Variants in DSCAM observed in about 807,000 individuals in gnomAD.
DSCAM encodes the protein DS cell adhesion molecule.
Under a neutral mutation model 217.7 loss-of-function variants are expected in DSCAM, and 47 were observed. The observed-to-expected ratio is 0.22, with a 90% CI of 0.17 to 0.28. DSCAM has a LOEUF of 0.28. Ranked by LOEUF, DSCAM falls within the 10% of genes least tolerant of loss-of-function variation. The pLI is 1.00. For synonymous variants in DSCAM, 1,056 were observed against 1,015.3 expected (o/e 1.04, Z -0.76); for missense variants, 2,080 against 2,618.3 (o/e 0.79, Z 4.49).
chr21:40,310,257 T>C (rs1730868815), intron 9 of DSCAM, among the ~76,000 whole-genome samples: 1 of 152,172 alleles, frequency 6.6e-6, no homozygotes, highest in Admixed American at 6.6e-5. Flanking sequence ...CCCCTAAAGA[T>C]TATGATTTAA....
chr21:40,376,950 T>G (rs1420844882), intron 3 of DSCAM, among the ~76,000 whole-genome samples: 1 of 152,098 alleles, frequency 6.6e-6, no homozygotes, highest in Non-Finnish European at 1.5e-5. Flanking sequence ...GGATGTGACT[T>G]TATTTGGAAA....
intron 3 of DSCAM, among the ~76,000 whole-genome samples, chr21:40,529,420 G>A (rs2076425911): frequency 6.6e-6 from 1 of 152,162 alleles, no homozygotes; most frequent in African/African-American, 2.4e-5. Flanking sequence ...TGCACTATTA[G>A]CTTGTGTTTA....
intron 11 of DSCAM, among the ~76,000 whole-genome samples, chr21:40,233,900 C>T (rs180802177): frequency 2.6e-5 from 4 of 152,292 alleles, no homozygotes; most frequent in Non-Finnish European, 4.4e-5. Flanking sequence ...GCTGTATCAA[C>T]ATCTGACAGC....
intron 1 of DSCAM, among the ~76,000 whole-genome samples, chr21:40,711,113 A>G (rs576705455): frequency 6.6e-6 from 1 of 151,208 alleles, no homozygotes; most frequent in African/African-American, 2.4e-5. Flanking sequence ...AAGGCTTTTG[A>G]GATTTTTGTT....
At chr21:40,750,912 G>A (rs1438730262) in intron 1 of DSCAM, among the ~76,000 whole-genome samples, 1 of 152,138 alleles carries the variant, frequency 6.6e-6, no homozygotes, top group Non-Finnish European at 1.5e-5. Flanking sequence ...TGACTAAAAT[G>A]ACTCCCACCT....
chr21:40,572,631 C>G (rs895846096), intron 3 of DSCAM, among the ~76,000 whole-genome samples: 2 of 152,080 alleles, frequency 1.3e-5, no homozygotes, highest in African/African-American at 2.4e-5. Flanking sequence ...GAGTACAATT[C>G]AAGACAAATA....
At chr21:40,072,897 G>A (rs2089316554) in intron 27 of DSCAM, among the ~76,000 whole-genome samples, 2 of 152,182 alleles carry the variant, frequency 1.3e-5, no homozygotes, top group Admixed American at 6.5e-5. Flanking sequence ...TGTTCTCTGA[G>A]GTGATAGACT....
At chr21:40,336,803 AC>A (rs1355609014) in intron 8 of DSCAM, among the ~76,000 whole-genome samples, 2 of 152,188 alleles carry the variant, frequency 1.3e-5, no homozygotes, top group African/African-American at 4.8e-5. Context: ...GAAGGAAAGG[AC>A]CTTGCAGACC....
intron 3 of DSCAM, among the ~76,000 whole-genome samples, chr21:40,485,446 G>A (rs1030218368): frequency 6.6e-6 from 1 of 151,534 alleles, no homozygotes; most frequent in African/African-American, 2.4e-5. Context: ...GTTTCACCGT[G>A]TTAGCCAGGA....
chr21:40,429,567 C>G (rs990538220), intron 3 of DSCAM, among the ~76,000 whole-genome samples: 1 of 152,218 alleles, frequency 6.6e-6, no homozygotes, highest in Non-Finnish European at 1.5e-5. Context: ...CAAGCCCAGC[C>G]TGCATCAAGT....
At chr21:40,046,187 G>T (rs1433966200) in intron 30 of DSCAM, among the ~76,000 whole-genome samples, 3 of 152,178 alleles carry the variant, frequency 2.0e-5, no homozygotes, top group African/African-American at 7.2e-5. Flanking sequence ...AAGGTGCAAT[G>T]ACTTTGTTTT....
At chr21:40,723,529 C>T (rs537996390) in intron 1 of DSCAM, among the ~76,000 whole-genome samples, 3 of 152,172 alleles carry the variant, frequency 2.0e-5, no homozygotes, top group African/African-American at 7.2e-5. Flanking sequence ...AGAAGAGGGG[C>T]AGCATGCTTC....
At chr21:40,050,942 C>T (rs56292711) in intron 30 of DSCAM, among the ~76,000 whole-genome samples, 1 of 152,192 alleles carries the variant, frequency 6.6e-6, no homozygotes, top group Non-Finnish European at 1.5e-5. Context: ...GTAGAATATT[C>T]TTGAAAACAT....
intron 3 of DSCAM, among the ~76,000 whole-genome samples, chr21:40,398,637 C>CT (rs538905441): frequency 0.39 from 51,516 of 132,022 alleles, 11,035 homozygotes; most frequent in East Asian, 0.51. Context: ...TTTTTTCTTT[C>CT]TTTTTTTTTT....
In DSCAM at chr21:40,230,360, A is replaced by C. The variant is rs148848770; in HGVS notation, c.2357-41122T>G. Among the ~76,000 whole-genome samples the C allele has an allele frequency of 6.3e-3, 957 of 152,274 alleles. 6 individuals carry two copies. The highest frequency in any genetic ancestry group is 0.027 in the Middle Eastern group (8 of 294). On this transcript the variant is annotated intron_variant, in intron 11 of 32. Transcript: ENST00000400454. ...TTGAAAGGTTTAAAATTATTTATTC[A>C]ATTATTTTAATAGAAATCGGACTAT... is the stretch of plus-strand genomic sequence containing the variant.
rs75136957 is a variant in DSCAM at position 40,546,372 on chromosome 21, C to T, written c.508+146438G>A. 4.9e-3 allele frequency among the ~76,000 whole-genome samples: 749 copies of T among 152,276 alleles called. 13 individuals are homozygous for T. The East Asian group carries it at 0.062, about 13-fold the overall frequency. On this transcript the variant is annotated intron_variant, in intron 3 of 32. Coordinates refer to ENST00000400454, the MANE Select transcript of DSCAM (RefSeq NM_001389.5). ...GCCAGGGCCTCAGGCAGACTCTGGC[C>T]CAAAGCAAACGGCAAAGTGGCCAAC...
At chr21:40,705,734 T>C (rs2090707961) in intron 2 of DSCAM, among the ~76,000 whole-genome samples, 1 of 151,930 alleles carries the variant, frequency 6.6e-6, no homozygotes, top group African/African-American at 2.4e-5. Context: ...CCATGGGGAT[T>C]ATGGGGATTA....
intron 3 of DSCAM, among the ~76,000 whole-genome samples, chr21:40,683,538 C>G (rs1355898022): frequency 6.6e-6 from 1 of 152,098 alleles, no homozygotes; most frequent in African/African-American, 2.4e-5. Flanking sequence ...GACCTGAGCA[C>G]CTGTGTCACA....
At chr21:40,509,169 G>T (rs1414313875) in intron 3 of DSCAM, among the ~76,000 whole-genome samples, 1 of 152,034 alleles carries the variant, frequency 6.6e-6, no homozygotes, top group Non-Finnish European at 1.5e-5. Context: ...CAGTCCGTGA[G>T]TGTCACTTGT....
Sources: allele counts gnomAD v4.1 joint callset (sites outside exome capture counted in the v4.1 genomes callset), GRCh38; gene constraint gnomAD v4.1.1; transcripts MANE v1.5; gene names NCBI Gene and HGNC (gene_info 2026-07-23, HGNC 2026-07-21).